Variants in DDX10 observed in about 807,000 individuals in gnomAD.
DDX10 encodes DEAD-box helicase 10.
A neutral mutation model predicts 104.3 loss-of-function variants in DDX10; 74 were observed. The observed-to-expected ratio is 0.71, with a 90% confidence interval of 0.59 to 0.86. The LOEUF is 0.86. Among genes scored for constraint, DDX10 ranks in the 40% least tolerant of loss-of-function variants. DDX10 has a pLI of 0.00. For synonymous variants in DDX10, 351 were observed against 353.4 expected (o/e 0.99, Z 0.08); for missense variants, 952 against 1,040.0 (o/e 0.92, Z 1.16).
intron 13 of DDX10, among the ~76,000 whole-genome samples, chr11:108,753,775 A>G (rs2094341290): frequency 6.6e-6 from 1 of 152,028 alleles, no homozygotes; most frequent in African/African-American, 2.4e-5. Context: ...GTGAAGTTTT[A>G]TATTACATGA....
intron 6 of DDX10, among the ~76,000 whole-genome samples, chr11:108,686,070 G>A (rs1329419500): frequency 6.6e-6 from 1 of 152,016 alleles, no homozygotes; most frequent in Non-Finnish European, 1.5e-5. Context: ...CTATAGATAT[G>A]GCCTATTTCT....
chr11:108,735,925 T>C (rs898662989), intron 13 of DDX10, among the ~76,000 whole-genome samples: 1 of 152,136 alleles, frequency 6.6e-6, no homozygotes, highest in African/African-American at 2.4e-5. Context: ...AAATGCCTAT[T>C]GTTTAGTGAA....
rs573218311 is a variant in DDX10 at position 108,731,240 on chromosome 11, G to A, written c.1965+7778G>A. Among the ~76,000 whole-genome samples, 170 of 151,630 alleles carry A rather than the reference G, an allele frequency of 1.1e-3. 2 individuals are homozygous for A. The highest frequency in any genetic ancestry group is 3.9e-3 in the African/African-American group (163 of 41,362). On this transcript the variant is annotated intron_variant, in intron 13 of 17. Transcript: ENST00000322536. The stretch of plus-strand genomic sequence containing the variant: ...TAATTTTTGTATTTTTAGTAGAGAC[G>A]GGGTTTCACCATGTTGGCCAGGCTG...
At chr11:108,891,801 G>T (rs888516437) in intron 16 of DDX10, among the ~76,000 whole-genome samples, 3 of 152,160 alleles carry the variant, frequency 2.0e-5, no homozygotes, top group Non-Finnish European at 4.4e-5. Flanking sequence ...GAATTTGTGA[G>T]CAGCAGGCAT....
chr11:108,890,215 A>T (rs1209532473), intron 16 of DDX10, among the ~76,000 whole-genome samples: 1 of 152,194 alleles, frequency 6.6e-6, no homozygotes, highest in East Asian at 1.9e-4. Context: ...TCGATTGTAA[A>T]AATGAGGAAA....
chr11:108,831,421 C>CAAAAAAAAA (rs779264219), intron 13 of DDX10, among the ~76,000 whole-genome samples: 1 of 69,824 alleles, frequency 1.4e-5, no homozygotes, highest in Non-Finnish European at 2.5e-5. Flanking sequence ...GAGACTGTCT[C>CAAAAAAAAA]AAAAAAAAAA....
At chr11:108,858,957 A>T (rs1444857679) in intron 16 of DDX10, among the ~76,000 whole-genome samples, 1 of 152,232 alleles carries the variant, frequency 6.6e-6, no homozygotes, top group Admixed American at 6.5e-5. Context: ...CTTGCTCATA[A>T]ATATTTGTTG....
At chr11:108,672,314 A>G (rs1282619566) in intron 1 of DDX10, among the ~76,000 whole-genome samples, 4 of 152,100 alleles carry the variant, frequency 2.6e-5, no homozygotes, top group Non-Finnish European at 5.9e-5. Context: ...CCCTTTGAAA[A>G]CAGCTTTTTA....
chr11:108,725,130 T>A (rs1232483978), intron 13 of DDX10, among the ~76,000 whole-genome samples: 2 of 152,134 alleles, frequency 1.3e-5, no homozygotes, highest in African/African-American at 2.4e-5. Context: ...TTCATTTAGC[T>A]TAACGTTATT....
chr11:108,893,654 C>T (rs975310908), intron 16 of DDX10, among the ~76,000 whole-genome samples: 4 of 151,476 alleles, frequency 2.6e-5, no homozygotes, highest in African/African-American at 9.7e-5. Flanking sequence ...TATGTCATCG[C>T]CAGAGATTGT....
At chr11:108,684,176 C>CTTTTTTTTTTTTTTTTT (rs55949043) in intron 6 of DDX10, among the ~76,000 whole-genome samples, 1 of 26,672 alleles carries the variant, frequency 3.7e-5, no homozygotes, top group Non-Finnish European at 6.3e-5. Flanking sequence ...TATAGATTTT[C>CTTTTTTTTTTTTTTTTT]TTTTTTTTTT....
intron 13 of DDX10, among the ~76,000 whole-genome samples, chr11:108,837,129 A>G (rs988999373): frequency 2.6e-5 from 4 of 152,200 alleles, no homozygotes; most frequent in Non-Finnish European, 5.9e-5. Flanking sequence ...ATACTTTTTC[A>G]TATGTTTTAC....
chr11:108,842,697 C>G (rs1478811571), intron 15 of DDX10, among the ~76,000 whole-genome samples: 1 of 152,186 alleles, frequency 6.6e-6, no homozygotes, highest in Non-Finnish European at 1.5e-5. Flanking sequence ...CTAAGCATTT[C>G]TTGCATTGCT....
intron 13 of DDX10, among the ~76,000 whole-genome samples, chr11:108,816,760 G>C (rs186838308): frequency 2.6e-5 from 4 of 152,104 alleles, no homozygotes; most frequent in African/African-American, 9.6e-5. Context: ...CACCATGTTG[G>C]CCAGGCTGGT....
At chr11:108,852,122 T>G (rs376110319) in intron 15 of DDX10, 31 bp from the exon 16 acceptor site, 2 of 1,560,378 alleles carry the variant, frequency 1.3e-6, no homozygotes, top group Non-Finnish European at 1.8e-6. Context: ...AATTATATGC[T>G]GCTAATTTTT....
chr11:108,782,522 C>T (rs533791757), intron 13 of DDX10, among the ~76,000 whole-genome samples: 4 of 152,284 alleles, frequency 2.6e-5, no homozygotes, highest in African/African-American at 9.6e-5. Context: ...CAATACTCAT[C>T]TACCATATCC....
chr11:108,748,149 C>T (rs1442596618), intron 13 of DDX10, among the ~76,000 whole-genome samples: 1 of 152,140 alleles, frequency 6.6e-6, no homozygotes, highest in African/African-American at 2.4e-5. Context: ...TCTGTTTTAG[C>T]AGCCTGTCCT....
In DDX10 at chr11:108,724,423, T is replaced by C. The variant is rs74725186; in HGVS notation, c.1965+961T>C. Among the ~76,000 whole-genome samples the C allele has an allele frequency of 5.5e-3, 835 of 151,944 alleles. 10 individuals carry two copies. Among genetic ancestry groups the C allele is most frequent in the African/African-American group, 0.019 (805 of 41,474 alleles). ...CATTATACAGGTGACGGAAAAAAAA[T>C]AACTGTGGCACAGAAGCAATATAGT... On this transcript the variant is annotated intron_variant, in intron 13 of 17. Transcript: ENST00000322536.
intron 16 of DDX10, among the ~76,000 whole-genome samples, chr11:108,905,259 A>G (rs1038736582): frequency 1.5e-5 from 2 of 132,526 alleles, no homozygotes; most frequent in African/African-American, 5.5e-5. Context: ...AAAAAATTTC[A>G]TCTCTTTAAT....
Sources: gnomAD v4.1 joint callset for allele counts (sites outside exome capture counted in the v4.1 genomes callset) on GRCh38, gnomAD v4.1.1 for gene constraint, MANE v1.5 for transcripts, NCBI Gene and HGNC (gene_info 2026-07-23, HGNC 2026-07-21) for gene names.